CDH18: variants seen among roughly 807,000 people sequenced by gnomAD.
CDH18 encodes the protein cadherin 18, also known as cadherin-18.
In CDH18, 31 loss-of-function variants were observed where a neutral mutation model predicts 67.9. The ratio of observed to expected loss-of-function variants is 0.46; its 90% CI spans 0.34 to 0.62. CDH18 has a LOEUF of 0.62. CDH18 is among the 20% of genes least tolerant of loss of function. The pLI, the probability that CDH18 is intolerant of heterozygous loss-of-function variation, is 0.01. For missense variants in CDH18, 890 were observed against 975.5 expected, an observed-to-expected ratio of 0.91 and a Z score of 1.17; for synonymous variants, 362 against 347.2, an observed-to-expected ratio of 1.04 and a Z score of -0.48.
chr5:20,363,477 CAAAAAAAA>C (rs1187140017), intron 1 of CDH18, among the ~76,000 whole-genome samples: 1 of 101,314 alleles, frequency 9.9e-6, no homozygotes, highest in African/African-American at 3.9e-5. Context: ...GACTCCGTAT[CAAAAAAAA>C]AAAAAAAAAA....
In CDH18 at chr5:19,927,667, T is replaced by C. The variant is rs1387063835; in HGVS notation, c.-257+53393A>G. 2.0e-5 allele frequency among the ~76,000 whole-genome samples: 3 copies of C among 152,190 alleles called. No individual in the cohort carries two copies. In the East Asian group the frequency reaches 5.8e-4, roughly 29 times the overall value. On this transcript the variant is annotated intron_variant, in intron 2 of 12. Coordinates refer to ENST00000382275, the MANE Select transcript of CDH18 (RefSeq NM_004934.5). ...TTACTGCAGGTCAGCTATTTTCTAA[T>C]GCAGACATGTAATTTTTTGGAGATT...
chr5:20,100,414 A>G (rs953435921), intron 2 of CDH18, among the ~76,000 whole-genome samples: 1 of 152,178 alleles, frequency 6.6e-6, no homozygotes, highest in Non-Finnish European at 1.5e-5. Context: ...GGTCCCTTGT[A>G]TTAGAAGTGA....
chr5:19,721,123 C>T (rs763003538), intron 5 of CDH18, among the ~76,000 whole-genome samples: 8 of 152,016 alleles, frequency 5.3e-5, no homozygotes, highest in Non-Finnish European at 8.8e-5. Flanking sequence ...TTTTCTTGCA[C>T]GGGTATAAAT....
In CDH18 at chr5:19,668,981, TAGTC is replaced by T. The variant is rs552127607; in HGVS notation, c.643+52362_643+52365del. Among the ~76,000 whole-genome samples the T allele has an allele frequency of 6.4e-3, 965 of 151,222 alleles. 2 individuals carry two copies. The highest frequency in any genetic ancestry group is 0.018 in the African/African-American group (736 of 41,344). ...TCTGAAATATGGTTCTTTTCCCACT[TAGTC>T]AGCTTTCCATGATACTTCAACTTCA... On this transcript the variant is annotated intron_variant, in intron 5 of 12. Transcript: ENST00000382275.
intron 2 of CDH18, among the ~76,000 whole-genome samples, chr5:20,078,147 T>C (rs951960231): frequency 6.6e-5 from 10 of 152,342 alleles, no homozygotes; most frequent in Admixed American, 3.3e-4. Flanking sequence ...AGTAATGTCA[T>C]AATGCTTCAT....
intron 2 of CDH18, among the ~76,000 whole-genome samples, chr5:20,124,686 T>C (rs766371999): frequency 3.3e-5 from 5 of 152,176 alleles, no homozygotes. Flanking sequence ...TACGCTAGAA[T>C]GTTAAGGCCT....
rs1178863072 is a variant in CDH18, at chr5:20,305,435, C to T, written c.-579-49930G>A. 3 of 1,522,362 alleles carry T rather than the reference C, an allele frequency of 2.0e-6. 1 individual carries two copies. The South Asian group carries it at 3.4e-5, about 17-fold the overall frequency. The allele number at this position is 1,522,362 out of a possible 1,614,324, so 94.3% of individuals were successfully genotyped here. On this transcript the variant is annotated intron_variant, in intron 1 of 14. Coordinates refer to the CDH18 transcript ENST00000507958. Reference sequence around the variant, plus strand: ...CAATTCCTATCTGTCAGTTCCTTCTCGGCTTTTGGCCATGTTTTCGAACCT... The same window carrying T: ...CAATTCCTATCTGTCAGTTCCTTCTTGGCTTTTGGCCATGTTTTCGAACCT...
intron 1 of CDH18, among the ~76,000 whole-genome samples, chr5:20,563,609 A>G (rs1163649981): frequency 6.6e-6 from 1 of 152,106 alleles, no homozygotes; most frequent in Non-Finnish European, 1.5e-5. Flanking sequence ...CAGGTTTGTT[A>G]CATATGTATA....
chr5:20,485,550 G>A lies in CDH18; in HGVS notation c.-580+89912C>T, dbSNP rs554588287. On this transcript the variant is annotated intron_variant, in intron 1 of 14. Coordinates refer to the CDH18 transcript ENST00000507958. ...TATGTGTATATGGCTGTGCAGAAAA[G>A]ATAAAGTTCATCTAATAAATTTCCT... Among the ~76,000 whole-genome samples, 11 of 152,218 alleles carry A rather than the reference G, an allele frequency of 7.2e-5. No individual in the cohort carries two copies. The East Asian group carries it at 1.9e-3, about 27-fold the overall frequency.
At chr5:20,440,144 C>T (rs1441746936) in intron 1 of CDH18, among the ~76,000 whole-genome samples, 2 of 151,804 alleles carry the variant, frequency 1.3e-5, no homozygotes, top group African/African-American at 4.9e-5. Flanking sequence ...GAAGGATATT[C>T]ATTCAACAAC....
intron 9 of CDH18, among the ~76,000 whole-genome samples, chr5:19,535,211 G>C (rs1027207709): frequency 6.6e-6 from 1 of 152,134 alleles, no homozygotes; most frequent in African/African-American, 2.4e-5. Flanking sequence ...GCAATGGATT[G>C]ATACATATAT....
At chr5:20,498,183 G>A (rs1296355212) in intron 1 of CDH18, among the ~76,000 whole-genome samples, 2 of 151,386 alleles carry the variant, frequency 1.3e-5, no homozygotes, top group African/African-American at 2.4e-5. Flanking sequence ...TTGCGGATTA[G>A]TAACTACTAA....
intron 1 of CDH18, among the ~76,000 whole-genome samples, chr5:20,493,393 A>AAAAAAAAT (rs1561061223): frequency 3.4e-5 from 4 of 117,906 alleles, no homozygotes; most frequent in Non-Finnish European, 6.7e-5. Flanking sequence ...AAAGCAAAGA[A>AAAAAAAAT]TTTTTTGTTT....
At position 19,721,728 on chromosome 5, in the gene CDH18, G is replaced by T. The variant is rs112510873; in HGVS notation, c.524-262C>A. Among the ~76,000 whole-genome samples, 428 of 152,182 alleles carry T rather than the reference G, an allele frequency of 2.8e-3. 1 individual carries two copies. The highest frequency in any genetic ancestry group is 1.0e-2 in the African/African-American group (414 of 41,510). On this transcript the variant is annotated intron_variant, in intron 4 of 12. Transcript: ENST00000382275. ...TGTGTTGGTAACATTGTGAATGATG[G>T]TCTCTTTTGATTTTCATTAAAAAAG...
At chr5:20,463,011 T>C (rs1751379642) in intron 1 of CDH18, among the ~76,000 whole-genome samples, 2 of 152,162 alleles carry the variant, frequency 1.3e-5, no homozygotes, top group South Asian at 4.1e-4. Context: ...TTTTAAAACA[T>C]AGTTGAGAAA....
intron 2 of CDH18, among the ~76,000 whole-genome samples, chr5:20,094,364 T>C (rs187131920): frequency 1.7e-4 from 26 of 152,180 alleles, no homozygotes; most frequent in Admixed American, 1.5e-3. Context: ...TGGTTACTGT[T>C]GCCTTGTAGT....
intron 1 of CDH18, among the ~76,000 whole-genome samples, chr5:20,568,479 G>A (rs1263427501): frequency 6.6e-6 from 1 of 152,028 alleles, no homozygotes; most frequent in Non-Finnish European, 1.5e-5. Context: ...TATGACAGAA[G>A]CACTCAATAA....
At chr5:19,494,036 C>G (rs1282101116) in intron 11 of CDH18, among the ~76,000 whole-genome samples, 1 of 152,118 alleles carries the variant, frequency 6.6e-6, no homozygotes, top group Non-Finnish European at 1.5e-5. Context: ...AGAAGATCAA[C>G]TGGCTGTTCA....
At chr5:20,573,410 A>T (rs1402763193) in intron 1 of CDH18, among the ~76,000 whole-genome samples, 3 of 151,898 alleles carry the variant, frequency 2.0e-5, no homozygotes, top group Admixed American at 6.6e-5. Context: ...GAGGACACTG[A>T]ACTGTATAAA....
Sources: allele counts gnomAD v4.1 joint callset (sites outside exome capture counted in the v4.1 genomes callset), GRCh38; gene constraint gnomAD v4.1.1; transcripts MANE v1.5; gene names NCBI Gene and HGNC (gene_info 2026-07-23, HGNC 2026-07-21).